Variants in LPO observed in about 807,000 individuals in gnomAD.
LPO encodes the protein salivary peroxidase.
In LPO, 70 loss-of-function variants were observed where a neutral mutation model predicts 68.4. That is an observed-to-expected ratio of 1.02 (90% CI 0.84 to 1.25). The LOEUF (loss-of-function observed/expected upper bound fraction) is 1.25, where lower values mean the gene tolerates loss of function less well. Among genes scored for constraint, LPO ranks in the 50% most tolerant of loss-of-function variants. LPO has a pLI of 0.00. For missense variants in LPO, 873 were observed against 908.4 expected, an observed-to-expected ratio of 0.96 and a Z score of 0.50; for synonymous variants, 360 against 357.6, an observed-to-expected ratio of 1.01 and a Z score of -0.08.
chr17:58,253,041 A>G lies in LPO; in HGVS notation c.1105+535A>G, dbSNP rs1162751940. Among the ~76,000 whole-genome samples the G allele has an allele frequency of 9.0e-5, 13 of 144,162 alleles. 1 individual carries two copies. Among genetic ancestry groups the G allele is most frequent in the African/African-American group, 2.0e-4 (8 of 40,556 alleles). The allele number at this position is 144,162 out of a possible 152,430, so 94.6% of individuals were successfully genotyped here. A position where few individuals can be genotyped will look rare whatever the true frequency, so the allele number is the denominator to read the frequency against. On this transcript the variant is annotated intron_variant, in intron 8 of 12. Transcript: ENST00000262290. ...CCATCTCAAAAAAAAAAAAAAAAAA[A>G]AAAAAAAGAAAGAAAGAAAGAAAAG...
At chr17:58,249,501 G>A (rs1969915904) in intron 5 of LPO, 65 bp from the exon 6 acceptor site, 2 of 1,557,888 alleles carry the variant, frequency 1.3e-6, no homozygotes, top group Admixed American at 2.0e-5. Flanking sequence ...TCCCCCATGG[G>A]GTCCTGGGCT....
At chr17:58,249,778 G>C in intron 6 of LPO, 83 bp downstream of exon 6, 1 of 1,463,706 alleles carries the variant, frequency 6.8e-7, no homozygotes, top group Admixed American at 2.7e-5. Flanking sequence ...AAAGGAGGAG[G>C]AGGGATCGGT....
chr17:58,245,141 G>A (rs900252226), intron 3 of LPO, among the ~76,000 whole-genome samples: 1 of 152,182 alleles, frequency 6.6e-6, no homozygotes, highest in Non-Finnish European at 1.5e-5. Context: ...AGGAATTAAA[G>A]TGTCAGCATA....
chr17:58,239,158 C>T (rs565126894), intron 1 of LPO, among the ~76,000 whole-genome samples: 1 of 151,910 alleles, frequency 6.6e-6, no homozygotes, highest in East Asian at 1.9e-4. Flanking sequence ...GGCCTCTCCA[C>T]TATAGTGGAG....
At chr17:58,241,764 AC>A (rs1969763937) in intron 1 of LPO, among the ~76,000 whole-genome samples, 1 of 152,130 alleles carries the variant, frequency 6.6e-6, no homozygotes, top group Non-Finnish European at 1.5e-5. Context: ...TATTAGGGGG[AC>A]CACGAAAGGG....
chr17:58,259,839 T>C (rs1176520607), intron 9 of LPO, among the ~76,000 whole-genome samples: 1 of 152,246 alleles, frequency 6.6e-6, no homozygotes, highest in Non-Finnish European at 1.5e-5. Flanking sequence ...TTGTTTTGTT[T>C]TGAGACGGAG....
intron 9 of LPO, among the ~76,000 whole-genome samples, chr17:58,261,613 C>T (rs1392005777): frequency 2.0e-5 from 3 of 150,858 alleles, no homozygotes; most frequent in Non-Finnish European, 4.4e-5. Flanking sequence ...TTTAAATTAT[C>T]TTTAAAATAA....
chr17:58,254,689 G>C, intron 8 of LPO, 122 bp from the exon 9 acceptor site: 1 of 884,188 alleles, frequency 1.1e-6, no homozygotes, highest in Non-Finnish European at 1.7e-6. Context: ...GGGAAGTAGG[G>C]CTTGTTGACG....
intron 9 of LPO, among the ~76,000 whole-genome samples, chr17:58,258,393 G>A (rs1970110869): frequency 6.6e-6 from 1 of 152,186 alleles, no homozygotes; most frequent in South Asian, 2.1e-4. Context: ...ATTTATTGAA[G>A]AGACTGTCTT....
chr17:58,255,089 C>T lies in LPO; in HGVS notation c.1266+118C>T, dbSNP rs1970046885. 1.7e-5 allele frequency: 17 copies of T among 1,006,914 alleles called. No homozygotes were observed. The East Asian group carries it at 2.9e-4, about 17-fold the overall frequency. 62.4% of individuals were successfully genotyped at this position (1,006,914 alleles called of 1,614,324 possible). A position where few individuals can be genotyped will look rare whatever the true frequency, so the allele number is the denominator to read the frequency against. On this transcript the variant is annotated intron_variant, in intron 9 of 12. Transcript: ENST00000262290. The stretch of plus-strand genomic sequence containing the variant: ...TCTGTTCCCACACCTCCGTTTCCCC[C>T]GGCCCCTCTGCTGCTTCTCTCTTGT...
rs1969785281 is a variant in LPO, at chr17:58,242,997, T to A, written c.18T>A (p.His6Gln). The A allele has an allele frequency of 3.7e-6, 6 of 1,614,038 alleles. No homozygotes were observed. Among genetic ancestry groups the A allele is most frequent in the East Asian group, 2.2e-5 (1 of 44,872 alleles). The change falls in exon 2 of 13, where the codon CAT becomes CAA. Residue 6 changes from histidine (H) to glutamine (Q), a missense_variant. Transcript: ENST00000262290. MRVLL[H>Q]LPALLASLIL... is the part of the protein sequence containing the mutation. ...TTTCAGTGATGAGGGTCCTTCTCCATCTCCCAGCCCTCCTGGCTTCCCTCA... is the reference window on the plus strand; with the variant it reads ...TTTCAGTGATGAGGGTCCTTCTCCAACTCCCAGCCCTCCTGGCTTCCCTCA...
At chr17:58,266,408 G>A in intron 11 of LPO, 82 bp downstream of exon 11, 1 of 1,432,742 alleles carries the variant, frequency 7.0e-7, no homozygotes. Context: ...CTATAACCCT[G>A]AGGATCTGAT....
chr17:58,249,617 C>T lies in LPO; in HGVS notation c.495C>T (p.Pro165=). 1 of 1,602,954 alleles carries T rather than the reference C, an allele frequency of 6.2e-7. No homozygotes were observed. The highest frequency in any genetic ancestry group is 2.2e-5 in the East Asian group (1 of 44,724). Residue 165 remains proline (P), a synonymous_variant, in exon 6 of 13, where the codon CCC becomes CCT. Transcript: ENST00000262290. The stretch of plus-strand genomic sequence containing the variant: ...ACAGGGCTCTGGCGCGCTGGCTGCC[C>T]GCGGAGTACGAGGACGGGCTCTCCC... ...AANRALARWL[P]AEYEDGLSLP...
At chr17:58,241,974 G>C (rs556363033) in intron 1 of LPO, among the ~76,000 whole-genome samples, 1 of 152,272 alleles carries the variant, frequency 6.6e-6, no homozygotes, top group South Asian at 2.1e-4. Context: ...ACATGGCTGG[G>C]GGGCAACCTG....
intron 10 of LPO, among the ~76,000 whole-genome samples, chr17:58,265,471 C>T (rs1458798092): frequency 1.3e-5 from 2 of 151,212 alleles, no homozygotes; most frequent in Non-Finnish European, 2.9e-5. Context: ...AAGTCAAGGA[C>T]ATTTCCTTGA....
chr17:58,266,087 C>A (rs1598034593), intron 10 of LPO, 66 bp from the exon 11 acceptor site: 3 of 1,490,770 alleles, frequency 2.0e-6, no homozygotes, highest in South Asian at 1.2e-5. Context: ...GAGGCAGAGG[C>A]AAGCCATGAA....
intron 5 of LPO, 106 bp downstream of exon 5, chr17:58,249,283 C>T: frequency 9.2e-7 from 1 of 1,081,234 alleles, no homozygotes; most frequent in Non-Finnish European, 1.3e-6. Flanking sequence ...ACTGCCTTGC[C>T]CACCTGGGCT....
intron 9 of LPO, among the ~76,000 whole-genome samples, chr17:58,259,803 C>T (rs1387551459): frequency 6.6e-6 from 1 of 152,044 alleles, no homozygotes; most frequent in Non-Finnish European, 1.5e-5. Flanking sequence ...TAGATTTATA[C>T]CTCAGTATTT....
chr17:58,243,145 C>T (rs1020962715), intron 2 of LPO, 90 bp downstream of exon 2: 1 of 1,301,354 alleles, frequency 7.7e-7, no homozygotes, highest in African/African-American at 1.5e-5. Context: ...TATTCTCTCA[C>T]AGTACGGGAG....
Sources: gnomAD v4.1 joint callset for allele counts (sites outside exome capture counted in the v4.1 genomes callset) on GRCh38, gnomAD v4.1.1 for gene constraint, MANE v1.5 for transcripts, NCBI Gene and HGNC (gene_info 2026-07-23, HGNC 2026-07-21) for gene names.